RALGAPA1: variants seen among roughly 807,000 people sequenced by gnomAD.
The protein encoded by RALGAPA1 is Ral GTPase activating protein catalytic subunit alpha 1, also known as ral GTPase-activating protein subunit alpha-1.
Under a neutral mutation model 269.6 loss-of-function variants are expected in RALGAPA1, and 52 were observed. The ratio of observed to expected loss-of-function variants is 0.19; its 90% CI spans 0.15 to 0.24. The LOEUF (loss-of-function observed/expected upper bound fraction) is 0.24, where lower values mean the gene tolerates loss of function less well. RALGAPA1 is among the 10% of genes least tolerant of loss of function. The pLI is 1.00. For missense variants in RALGAPA1, 1,917 were observed against 3,013.9 expected (o/e 0.64, Z 8.52); for synonymous variants, 817 against 1,008.3 (o/e 0.81, Z 3.60).
chr14:35,681,455 G>A (rs1168723625), intron 21 of RALGAPA1, among the ~76,000 whole-genome samples: 1 of 152,058 alleles, frequency 6.6e-6, no homozygotes, highest in Non-Finnish European at 1.5e-5. Flanking sequence ...AAAGGCAAAA[G>A]ACCTAAAACA....
At chr14:35,645,293 A>G (rs929812895) in intron 31 of RALGAPA1, among the ~76,000 whole-genome samples, 5 of 151,922 alleles carry the variant, frequency 3.3e-5, no homozygotes, top group African/African-American at 1.2e-4. Context: ...GGATTTCCAT[A>G]TATGAACTTC....
At chr14:35,791,203 G>A (rs753798876) in intron 1 of RALGAPA1, among the ~76,000 whole-genome samples, 7 of 152,176 alleles carry the variant, frequency 4.6e-5, no homozygotes, top group Non-Finnish European at 1.0e-4. Context: ...GACTTCTTCA[G>A]GCATGGGAGA....
intron 13 of RALGAPA1, among the ~76,000 whole-genome samples, chr14:35,726,823 C>T (rs985974358): frequency 4.6e-5 from 7 of 152,108 alleles, no homozygotes; most frequent in African/African-American, 1.7e-4. Flanking sequence ...TAGTTATTGG[C>T]TAATAATAAC....
intron 39 of RALGAPA1, among the ~76,000 whole-genome samples, chr14:35,561,226 C>CAAAAA (rs71124706): frequency 8.2e-5 from 3 of 36,780 alleles, no homozygotes; most frequent in South Asian, 1.8e-3. Context: ...AACTCTGTCT[C>CAAAAA]AAAAAAAAAA....
At chr14:35,762,583 T>C (rs887216276) in intron 5 of RALGAPA1, 127 bp downstream of exon 5, 1 of 732,760 alleles carries the variant, frequency 1.4e-6, no homozygotes, top group Non-Finnish European at 2.5e-6. Flanking sequence ...GGAACTCACT[T>C]CAATTAAATA....
At chr14:35,789,915 A>G (rs1201157849) in intron 1 of RALGAPA1, among the ~76,000 whole-genome samples, 1 of 152,188 alleles carries the variant, frequency 6.6e-6, no homozygotes, top group Non-Finnish European at 1.5e-5. Flanking sequence ...AGTAGTCACC[A>G]CGAGCAAAGC....
intron 41 of RALGAPA1, among the ~76,000 whole-genome samples, chr14:35,544,827 A>C (rs917066777): frequency 1.3e-5 from 2 of 152,168 alleles, no homozygotes; most frequent in African/African-American, 4.8e-5. Flanking sequence ...TGGGTGGATT[A>C]CCTGAGGTCA....
chr14:35,755,898 G>A (rs1284148390), intron 7 of RALGAPA1, among the ~76,000 whole-genome samples: 1 of 152,158 alleles, frequency 6.6e-6, no homozygotes, highest in Non-Finnish European at 1.5e-5. Context: ...AGAAATGTGT[G>A]AATAAAAGCG....
chr14:35,596,919 G>A (rs1039569044), intron 36 of RALGAPA1, among the ~76,000 whole-genome samples: 32 of 152,062 alleles, frequency 2.1e-4, no homozygotes, highest in African/African-American at 6.5e-4. Context: ...CACAGTACAT[G>A]CATATAAAAC....
intron 39 of RALGAPA1, chr14:35,564,544 G>A (rs536503632): frequency 6.6e-6 from 1 of 152,210 alleles, no homozygotes; most frequent in East Asian, 1.9e-4. Flanking sequence ...AATAATCACT[G>A]ACTTCTGGTA....
chr14:35,639,670 TG>T (rs1486896091), intron 31 of RALGAPA1, among the ~76,000 whole-genome samples: 1 of 152,210 alleles, frequency 6.6e-6, no homozygotes, highest in African/African-American at 2.4e-5. Context: ...CCAGGTGCGG[TG>T]GCTCGTGCCT....
chr14:35,742,238 G>A, intron 11 of RALGAPA1, 130 bp downstream of exon 11: 1 of 763,800 alleles, frequency 1.3e-6, no homozygotes, highest in Admixed American at 2.9e-5. Context: ...CTAAATTGTT[G>A]CAAAATATAC....
chr14:35,567,988 G>C (rs568378734), intron 39 of RALGAPA1, among the ~76,000 whole-genome samples: 29 of 152,262 alleles, frequency 1.9e-4, no homozygotes, highest in Admixed American at 6.5e-4. Flanking sequence ...CTGTGAAAGA[G>C]GCAAAGGTCA....
chr14:35,662,931 C>CT (rs1167185577), intron 27 of RALGAPA1, among the ~76,000 whole-genome samples: 55 of 108,804 alleles, frequency 5.1e-4, no homozygotes, highest in African/African-American at 1.8e-3. Context: ...AAATGATTTC[C>CT]TTTTTTGGGG....
At chr14:35,695,914 G>A (rs2066859447) in intron 17 of RALGAPA1, among the ~76,000 whole-genome samples, 2 of 152,184 alleles carry the variant, frequency 1.3e-5, no homozygotes, top group Non-Finnish European at 2.9e-5. Context: ...AGGCCAATGA[G>A]AGAGAAGCCA....
At chr14:35,740,568 A>G (rs1474270385) in intron 11 of RALGAPA1, among the ~76,000 whole-genome samples, 1 of 152,136 alleles carries the variant, frequency 6.6e-6, no homozygotes, top group African/African-American at 2.4e-5. Flanking sequence ...GCACTTTGGG[A>G]GGCTGAGGTG....
At chr14:35,634,892 C>T in intron 32 of RALGAPA1, 135 bp from the exon 33 acceptor site, 4 of 842,976 alleles carry the variant, frequency 4.7e-6, no homozygotes, top group Admixed American at 3.4e-5. Context: ...TCAGGCCTGG[C>T]ACAGTGGCTC....
Position 35,688,523 on chromosome 14 carries a change from T to A in RALGAPA1, c.3888A>T (p.Pro1296=), listed in dbSNP as rs1455865453. ...ACAGATCCCTCAGTGGAGCCTCTGG[T>A]GGCATTCTGTTCTGCCTCTGTGGGG... ...NVSPQRQNRM[P]PEAPLRDLYS... Residue 1296 remains proline, a synonymous_variant, in exon 18 of 42, where the codon CCA becomes CCT. Coordinates refer to ENST00000680220, the MANE Select transcript of RALGAPA1 (RefSeq NM_001346249.2). The A allele has an allele frequency of 2.6e-6, 4 of 1,536,022 alleles. No homozygotes were observed. The highest frequency in any genetic ancestry group is 3.5e-6 in the Non-Finnish European group (4 of 1,146,898).
intron 1 of RALGAPA1, among the ~76,000 whole-genome samples, chr14:35,805,285 AG>A (rs1008265826): frequency 1.3e-5 from 2 of 151,330 alleles, no homozygotes; most frequent in Non-Finnish European, 2.9e-5. Context: ...AAAAAAAAAA[AG>A]AAAAAATTAG....
Sources: gnomAD v4.1 joint callset for allele counts (sites outside exome capture counted in the v4.1 genomes callset) on GRCh38, gnomAD v4.1.1 for gene constraint, MANE v1.5 for transcripts, NCBI Gene and HGNC (gene_info 2026-07-23, HGNC 2026-07-21) for gene names.